The following UNC5D variants were observed in gnomAD, a reference collection of about 807,000 sequenced individuals.
The protein encoded by UNC5D is unc-5 netrin receptor D, also known as netrin receptor UNC5D.
UNC5D carries 39 observed loss-of-function variants against 105.4 expected under a neutral mutation model. The observed-to-expected ratio is 0.37, with a 90% CI of 0.29 to 0.48. The LOEUF (loss-of-function observed/expected upper bound fraction) is 0.48. UNC5D is among the 20% of genes least tolerant of loss of function. UNC5D has a pLI of 0.98. For missense variants in UNC5D, 991 were observed against 1,202.4 expected (o/e 0.82, Z 2.60); for synonymous variants, 452 against 450.4 (o/e 1.00, Z -0.04).
intron 1 of UNC5D, among the ~76,000 whole-genome samples, chr8:35,248,668 A>G (rs1201426207): frequency 1.1e-4 from 11 of 99,710 alleles, no homozygotes; most frequent in African/African-American, 3.9e-4. Flanking sequence ...ATATAAATAT[A>G]TGTTATATAT....
chr8:35,596,902 A>C (rs1819522855), intron 4 of UNC5D, among the ~76,000 whole-genome samples: 1 of 152,032 alleles, frequency 6.6e-6, no homozygotes, highest in African/African-American at 2.4e-5. Context: ...TAGCTTAGTG[A>C]TTTGGGGGCC....
Position 35,235,572 on chromosome 8 carries a change from G to A in UNC5D, c.-213G>A. 1 of 384,222 alleles carries A rather than the reference G, an allele frequency of 2.6e-6. No individual in the cohort carries two copies. The highest frequency in any genetic ancestry group is 4.5e-6 in the Non-Finnish European group (1 of 220,366). 23.8% of individuals were successfully genotyped at this position (384,222 alleles called of 1,614,324 possible). On this transcript the variant is annotated 5_prime_UTR_variant, in exon 1 of 17. Coordinates refer to ENST00000404895, the MANE Select transcript of UNC5D (RefSeq NM_080872.4). The stretch of plus-strand genomic sequence containing the variant: ...CCGCGCTGGCGGCAGCGGTCGCCGC[G>A]CCGTGGGAAGCTATGGGGACGCGCC...
Position 35,516,344 on chromosome 8 carries a change from A to G in UNC5D, c.104-32948A>G, listed in dbSNP as rs1401364452. 2.6e-5 allele frequency among the ~76,000 whole-genome samples: 4 copies of G among 152,244 alleles called. No homozygotes were observed. In the East Asian group the frequency reaches 7.7e-4, roughly 29 times the overall value. On this transcript the variant is annotated intron_variant, in intron 1 of 16. Transcript: ENST00000404895. ...TGTGGAAATAACAGCCTTGCTCCAA[A>G]CTGAATTGCCTGTTTTTCTCCTGAA...
At chr8:35,599,940 T>C (rs1288511087) in intron 4 of UNC5D, among the ~76,000 whole-genome samples, 1 of 152,138 alleles carries the variant, frequency 6.6e-6, no homozygotes, top group African/African-American at 2.4e-5. Context: ...CTCCTAATAC[T>C]ATCCCTCCCT....
intron 1 of UNC5D, among the ~76,000 whole-genome samples, chr8:35,333,379 G>C (rs140563598): frequency 6.6e-6 from 1 of 152,094 alleles, no homozygotes. Context: ...CCCTTAATTA[G>C]ATAGGCCCCT....
chr8:35,623,858 A>C (rs921507310), intron 4 of UNC5D, among the ~76,000 whole-genome samples: 3 of 152,164 alleles, frequency 2.0e-5, no homozygotes, highest in Non-Finnish European at 4.4e-5. Context: ...AGGCAGGCGG[A>C]TCACAAGGGT....
intron 1 of UNC5D, among the ~76,000 whole-genome samples, chr8:35,287,611 T>C (rs1319568368): frequency 1.3e-5 from 2 of 150,384 alleles, no homozygotes; most frequent in African/African-American, 4.9e-5. Context: ...CTAAGCAATA[T>C]GGAGAAAACC....
chr8:35,390,421 T>A (rs569859194), intron 1 of UNC5D, among the ~76,000 whole-genome samples: 1 of 152,266 alleles, frequency 6.6e-6, no homozygotes, highest in East Asian at 1.9e-4. Context: ...ATTACACAAA[T>A]GATGTCAATG....
intron 1 of UNC5D, among the ~76,000 whole-genome samples, chr8:35,392,950 A>G (rs1803866146): frequency 6.6e-6 from 1 of 152,160 alleles, no homozygotes; most frequent in Non-Finnish European, 1.5e-5. Context: ...TTGGCTCTCA[A>G]TAGGATCTAT....
intron 4 of UNC5D, among the ~76,000 whole-genome samples, chr8:35,660,266 G>A (rs940033166): frequency 6.6e-6 from 1 of 152,172 alleles, no homozygotes; most frequent in East Asian, 1.9e-4. Context: ...TATCTATTAC[G>A]GTTTTGCCTA....
chr8:35,597,065 C>T (rs1430514073), intron 4 of UNC5D, among the ~76,000 whole-genome samples: 1 of 152,042 alleles, frequency 6.6e-6, no homozygotes, highest in Non-Finnish European at 1.5e-5. Flanking sequence ...GGAGGCTTTG[C>T]TTCATATTTT....
intron 1 of UNC5D, among the ~76,000 whole-genome samples, chr8:35,265,391 G>A (rs1329108162): frequency 2.0e-5 from 3 of 151,982 alleles, no homozygotes; most frequent in Non-Finnish European, 2.9e-5. Flanking sequence ...CAGCTCATGA[G>A]TTCTCTATTA....
At position 35,272,060 on chromosome 8, in the gene UNC5D, C is replaced by T. The variant is rs1412314605; in HGVS notation, c.103+36173C>T. The stretch of plus-strand genomic sequence containing the variant: ...TCTACCCACCACTAAAATAAAACTC[C>T]GGGAGAACACAGCAGCTGTGGAATG... On this transcript the variant is annotated intron_variant, in intron 1 of 16. Transcript: ENST00000404895. Among the ~76,000 whole-genome samples the T allele has an allele frequency of 4.6e-5, 7 of 151,742 alleles. No individual in the cohort carries two copies. The South Asian group carries it at 1.2e-3, about 27-fold the overall frequency.
At chr8:35,642,985 C>G (rs926619447) in intron 4 of UNC5D, among the ~76,000 whole-genome samples, 15 of 152,222 alleles carry the variant, frequency 9.9e-5, no homozygotes, top group African/African-American at 3.6e-4. Context: ...TAGAAACATG[C>G]TAGGAAGACA....
At chr8:35,343,918 T>C (rs1212167912) in intron 1 of UNC5D, among the ~76,000 whole-genome samples, 1 of 152,154 alleles carries the variant, frequency 6.6e-6, no homozygotes, top group Non-Finnish European at 1.5e-5. Context: ...TATACGAGAA[T>C]GTCTTTAAAG....
At chr8:35,257,612 C>T (rs768916085) in intron 1 of UNC5D, among the ~76,000 whole-genome samples, 9 of 152,274 alleles carry the variant, frequency 5.9e-5, no homozygotes, top group East Asian at 3.9e-4. Context: ...GATATACAAA[C>T]GAATAATAGT....
At chr8:35,706,754 A>G (rs1827604316) in intron 8 of UNC5D, among the ~76,000 whole-genome samples, 1 of 152,198 alleles carries the variant, frequency 6.6e-6, no homozygotes, top group African/African-American at 2.4e-5. Flanking sequence ...GTGGATCAGA[A>G]TCCACATGCA....
intron 1 of UNC5D, among the ~76,000 whole-genome samples, chr8:35,307,648 A>G (rs550778242): frequency 2.0e-5 from 3 of 152,174 alleles, no homozygotes; most frequent in Non-Finnish European, 4.4e-5. Context: ...AGAGTTTGCA[A>G]TAGAAAGGAA....
chr8:35,736,000 A>G (rs1394697601), intron 11 of UNC5D, among the ~76,000 whole-genome samples: 1 of 152,186 alleles, frequency 6.6e-6, no homozygotes, highest in East Asian at 1.9e-4. Flanking sequence ...ATCTGTTTGT[A>G]GTGAACTATT....
Sources: allele counts gnomAD v4.1 joint callset (sites outside exome capture counted in the v4.1 genomes callset), GRCh38; gene constraint gnomAD v4.1.1; transcripts MANE v1.5; gene names NCBI Gene and HGNC (gene_info 2026-07-23, HGNC 2026-07-21).